TTC6: variants seen among roughly 807,000 people sequenced by gnomAD.
The protein encoded by TTC6 is tetratricopeptide repeat domain 6, also known as tetratricopeptide repeat protein 6.
In TTC6, 172 loss-of-function variants were observed where a neutral mutation model predicts 210.4. The observed-to-expected ratio is 0.82, with a 90% CI of 0.72 to 0.93. The LOEUF (loss-of-function observed/expected upper bound fraction) is 0.93. Ranked by LOEUF, TTC6 falls within the 40% of genes least tolerant of loss-of-function variation. TTC6 has a pLI of 0.00. For missense variants in TTC6, 2,414 were observed against 2,318.1 expected, an observed-to-expected ratio of 1.04 and a Z score of -0.85; for synonymous variants, 804 against 819.6, an observed-to-expected ratio of 0.98 and a Z score of 0.32.
At chr14:37,704,342 A>C (rs1196016342) in intron 5 of TTC6, among the ~76,000 whole-genome samples, 2 of 152,182 alleles carry the variant, frequency 1.3e-5, no homozygotes, top group African/African-American at 4.8e-5. Flanking sequence ...GATGTGATCC[A>C]CTGTGCCTGG....
exon 10 of TTC6, chr14:37,738,804 A>G (rs763961417): frequency 6.6e-7 from 1 of 1,514,594 alleles, no homozygotes; most frequent in South Asian, 1.3e-5. Flanking sequence ...GACTTGAGGA[A>G]GGAGAAGATC....
At chr14:37,675,744 T>G (rs2095767715) in intron 1 of TTC6, among the ~76,000 whole-genome samples, 1 of 142,268 alleles carries the variant, frequency 7.0e-6, no homozygotes, top group African/African-American at 2.5e-5. Flanking sequence ...GTTATTTTCT[T>G]TCTTTCTTTT....
chr14:37,724,396 C>T (rs1225568135), intron 6 of TTC6, among the ~76,000 whole-genome samples: 1 of 152,124 alleles, frequency 6.6e-6, no homozygotes, highest in Non-Finnish European at 1.5e-5. Flanking sequence ...TTATTTTCTT[C>T]TCAATACCAT....
rs556851866 is a variant in TTC6 at position 37,624,399 on chromosome 14, C to G, written c.939+1396C>G. Among the ~76,000 whole-genome samples the G allele has an allele frequency of 4.4e-4, 67 of 152,248 alleles. No homozygotes were observed. The South Asian group carries it at 0.013, about 30-fold the overall frequency. ...CTACTTCTGACATAGGCTCCATGCT[C>G]TACGACATAGTTAAGGTACTTGACA... is the stretch of plus-strand genomic sequence containing the variant. On this transcript the variant is annotated intron_variant, in intron 1 of 30. Coordinates refer to ENST00000553443, the Ensembl canonical transcript of TTC6.
chr14:37,802,665 C>A (rs578036657), intron 20 of TTC6, among the ~76,000 whole-genome samples: 1 of 151,980 alleles, frequency 6.6e-6, no homozygotes, highest in African/African-American at 2.4e-5. Flanking sequence ...TGACCTGTAG[C>A]GATAGAAAAA....
chr14:37,600,952 A>G (rs891951073), intron 1 of TTC6, among the ~76,000 whole-genome samples: 3 of 152,252 alleles, frequency 2.0e-5, no homozygotes, highest in Non-Finnish European at 4.4e-5. Context: ...CTTACCTTGC[A>G]GTGAGTTTGC....
At chr14:37,671,764 C>T (rs2095758646) in intron 1 of TTC6, among the ~76,000 whole-genome samples, 2 of 152,032 alleles carry the variant, frequency 1.3e-5, no homozygotes, top group Admixed American at 6.6e-5. Context: ...AGGGAGTGTC[C>T]AGTAATCCCT....
chr14:37,618,887 A>T (rs1283440107), upstream of TTC6, among the ~76,000 whole-genome samples: 1 of 152,214 alleles, frequency 6.6e-6, no homozygotes, highest in East Asian at 1.9e-4. Context: ...AGGAACTAAG[A>T]AATAAAAGGG....
chr14:37,660,177 G>A (rs571420283), intron 1 of TTC6, among the ~76,000 whole-genome samples: 7 of 151,776 alleles, frequency 4.6e-5, no homozygotes, highest in South Asian at 2.1e-4. Context: ...ATCTTTGGCC[G>A]TTCCTATGTC....
intron 5 of TTC6, among the ~76,000 whole-genome samples, chr14:37,704,401 A>G (rs1179160296): frequency 6.6e-6 from 1 of 152,076 alleles, no homozygotes; most frequent in Non-Finnish European, 1.5e-5. Context: ...ATTTATGCCA[A>G]TTTATGACAC....
intron 1 of TTC6, among the ~76,000 whole-genome samples, chr14:37,651,226 C>G (rs2095710490): frequency 6.6e-6 from 1 of 151,392 alleles, no homozygotes; most frequent in African/African-American, 2.4e-5. Context: ...CTCTGCCCCT[C>G]CCTTCCCTGC....
intron 13 of TTC6, among the ~76,000 whole-genome samples, chr14:37,752,604 G>T (rs2139044000): frequency 6.6e-6 from 1 of 151,462 alleles, no homozygotes; most frequent in East Asian, 1.9e-4. Context: ...CTTTATAATT[G>T]ATATATGATT....
At chr14:37,662,624 A>G (rs1260466365) in intron 1 of TTC6, among the ~76,000 whole-genome samples, 3 of 152,136 alleles carry the variant, frequency 2.0e-5, no homozygotes, top group Non-Finnish European at 4.4e-5. Flanking sequence ...TCTTCTCCAT[A>G]TGGCTAGCCA....
chr14:37,794,660 G>A (rs1223654146), intron 17 of TTC6, among the ~76,000 whole-genome samples: 2 of 151,538 alleles, frequency 1.3e-5, no homozygotes, highest in Non-Finnish European at 2.9e-5. Context: ...TTTTGTGCAG[G>A]CCTGTTTTTC....
At chr14:37,787,627 T>C (rs2096070912) in exon 15 of TTC6, 1 of 1,474,556 alleles carries the variant, frequency 6.8e-7, no homozygotes, top group African/African-American at 1.4e-5. Context: ...TACAGGATTA[T>C]AGTGTTTCAG....
chr14:37,654,690 T>C (rs1207440554), intron 1 of TTC6, among the ~76,000 whole-genome samples: 2 of 152,122 alleles, frequency 1.3e-5, no homozygotes, highest in Non-Finnish European at 2.9e-5. Flanking sequence ...CTTAAGAAAA[T>C]AGAAGAACTG....
intron 2 of TTC6, 43 bp from the exon 5 acceptor site, chr14:37,682,715 C>G (rs895957245): frequency 6.7e-7 from 1 of 1,497,114 alleles, no homozygotes; most frequent in African/African-American, 1.4e-5. Flanking sequence ...CTAGAAGGAC[C>G]AATAAAAAAA....
chr14:37,729,342 T>G (rs896998812), intron 7 of TTC6, among the ~76,000 whole-genome samples: 3 of 152,198 alleles, frequency 2.0e-5, no homozygotes, highest in Non-Finnish European at 4.4e-5. Flanking sequence ...TTTGCATAAG[T>G]CAATATGGCA....
chr14:37,693,978 AAAAAC>A (rs564382431), intron 3 of TTC6, among the ~76,000 whole-genome samples: 37 of 93,914 alleles, frequency 3.9e-4, no homozygotes, highest in African/African-American at 1.7e-3. Context: ...AAACTACCAC[AAAAAC>A]AAACAAACAA....
Sources: gnomAD v4.1 joint callset for allele counts (sites outside exome capture counted in the v4.1 genomes callset) on GRCh38, gnomAD v4.1.1 for gene constraint, MANE v1.5 for transcripts, NCBI Gene and HGNC (gene_info 2026-07-23, HGNC 2026-07-21) for gene names.